The following ZFX variants were observed in gnomAD, a reference collection of about 807,000 sequenced individuals.
ZFX encodes the protein zinc finger protein X-linked, also known as zinc finger X-chromosomal protein.
For missense variants in ZFX, 362 were observed against 628.3 expected (o/e 0.58, Z 4.53); for synonymous variants, 196 against 226.8 (o/e 0.86, Z 1.22).
At position 24,207,197 on chromosome X, in the gene ZFX, A is replaced by G. The variant is rs761405569; in HGVS notation, c.647-129A>G. The G allele has an allele frequency of 1.0e-4, 67 of 651,986 alleles. No homozygotes were observed. The South Asian group carries it at 1.7e-3, about 16-fold the overall frequency. The allele number at this position is 651,986 out of a possible 1,213,427, so 53.7% of individuals were successfully genotyped here. ...GCAGTCAGTGAGCTGAGATCGCGCCACTGCACTCCAGCCTGGGTGACAGTG... is the reference window on the plus strand; with the variant it reads ...GCAGTCAGTGAGCTGAGATCGCGCCGCTGCACTCCAGCCTGGGTGACAGTG... On this transcript the variant is annotated intron_variant, in intron 5 of 9. Transcript: ENST00000304543.
At chrX:24,169,633 A>G (rs1319818045) in intron 3 of ZFX, among the ~76,000 whole-genome samples, 1 of 108,450 alleles carries the variant, frequency 9.2e-6, no homozygotes, top group Non-Finnish European at 1.9e-5. Flanking sequence ...TTGAGAATTG[A>G]CAAGATCTGG....
chrX:24,207,298 A>G, intron 5 of ZFX, 28 bp from the exon 6 acceptor site: 2 of 1,109,294 alleles, frequency 1.8e-6, no homozygotes, highest in Non-Finnish European at 2.4e-6. Flanking sequence ...ATCTGTTACT[A>G]TTTGTGATTT....
chrX:24,192,997 CTTG>C (rs1416786819), intron 5 of ZFX, among the ~76,000 whole-genome samples: 2 of 109,697 alleles, frequency 1.8e-5, no homozygotes, highest in African/African-American at 6.6e-5. Context: ...TCTTTCAGGT[CTTG>C]TTGTTTCTTT....
chrX:24,160,650 T>C (rs767484018), intron 3 of ZFX, among the ~76,000 whole-genome samples: 5 of 111,759 alleles, frequency 4.5e-5, no homozygotes, highest in Non-Finnish European at 9.4e-5. Context: ...ATACAATGTG[T>C]AATGGTCAAA....
chrX:24,162,089 G>A (rs1277061848), intron 3 of ZFX, among the ~76,000 whole-genome samples: 3 of 110,383 alleles, frequency 2.7e-5, no homozygotes, highest in Non-Finnish European at 3.8e-5. Flanking sequence ...CTAGCTGGGC[G>A]TGGTGGCACA....
intron 3 of ZFX, among the ~76,000 whole-genome samples, chrX:24,161,302 T>C (rs1569125631): frequency 8.9e-6 from 1 of 112,195 alleles, no homozygotes; most frequent in African/African-American, 3.2e-5. Context: ...TCTCTCTAAA[T>C]TGATACATAC....
At chrX:24,151,514 T>C (rs1932128766) in intron 1 of ZFX, 177 bp from the exon 2 acceptor site, 1 of 111,065 alleles carries the variant, frequency 9.0e-6, no homozygotes, top group South Asian at 3.8e-4. Context: ...AAGTGGATGG[T>C]ATAGGTAGGG....
upstream of ZFX, chrX:24,149,311 G>A (rs1417547703): frequency 1.8e-5 from 2 of 109,911 alleles, no homozygotes; most frequent in Non-Finnish European, 3.8e-5. Flanking sequence ...ATGGTGGGGG[G>A]CGGCCGGGCC....
At chrX:24,207,077 C>CA (rs1937626250) in intron 5 of ZFX, 1 of 270,743 alleles carries the variant, frequency 3.7e-6, no homozygotes, top group African/African-American at 2.8e-5. Flanking sequence ...ACTAAAAATA[C>CA]AAAAAATTAG....
intron 5 of ZFX, among the ~76,000 whole-genome samples, chrX:24,194,497 T>A (rs558252419): frequency 2.2e-4 from 24 of 111,438 alleles, no homozygotes; most frequent in African/African-American, 7.5e-4. Context: ...TGCCCTGTGA[T>A]GGTTCCTGCC....
intron 5 of ZFX, among the ~76,000 whole-genome samples, chrX:24,185,334 T>C (rs899709141): frequency 8.9e-6 from 1 of 112,450 alleles, no homozygotes; most frequent in Non-Finnish European, 1.9e-5. Flanking sequence ...GTAATGATCA[T>C]ATTTTAAAAT....
intron 5 of ZFX, among the ~76,000 whole-genome samples, chrX:24,183,813 A>C (rs190482374): frequency 0.019 from 784 of 41,466 alleles, 12 homozygotes; most frequent in African/African-American, 0.065. Context: ...GCTCACTGCA[A>C]CCTCCACCCC....
At chrX:24,163,258 CTTTT>C (rs57785204) in intron 3 of ZFX, among the ~76,000 whole-genome samples, 773 of 48,154 alleles carry the variant, frequency 0.016, 7 homozygotes, top group African/African-American at 0.049. Flanking sequence ...CATGGATGTG[CTTTT>C]TTTTTTTTTT....
chrX:24,191,793 G>A (rs1170177195), intron 5 of ZFX, among the ~76,000 whole-genome samples: 1 of 109,720 alleles, frequency 9.1e-6, no homozygotes, highest in Non-Finnish European at 1.9e-5. Flanking sequence ...TCCATCTCCT[G>A]GGTACAAGCG....
chrX:24,151,909 A>G (rs1932200051), intron 2 of ZFX, 109 bp downstream of exon 2: 1 of 111,991 alleles, frequency 8.9e-6, no homozygotes, highest in Admixed American at 9.5e-5. Context: ...AATGTTCAGA[A>G]GTTAAGCAAA....
intron 5 of ZFX, among the ~76,000 whole-genome samples, chrX:24,195,134 C>G (rs187741072): frequency 1.3e-3 from 142 of 112,001 alleles, no homozygotes; most frequent in African/African-American, 4.2e-3. Context: ...TGAGGACTTA[C>G]ACTGTACTTC....
At position 24,193,083 on chromosome X, in the gene ZFX, T is replaced by A. The variant is rs764386030; in HGVS notation, c.646+13313T>A. Among the ~76,000 whole-genome samples, 72 of 111,079 alleles carry A rather than the reference T, an allele frequency of 6.5e-4. 1 individual carries two copies. Among genetic ancestry groups the A allele is most frequent in the African/African-American group, 2.2e-3 (68 of 30,499 alleles). On this transcript the variant is annotated intron_variant, in intron 5 of 9. Transcript: ENST00000304543. ...ATTAGCAGACACTAGTATATTGGTT[T>A]AAAGATGTAAAACCAGATGGGCCAT...
chrX:24,151,440 T>C (rs1386168633), intron 1 of ZFX: 1 of 111,113 alleles, frequency 9.0e-6, no homozygotes, highest in African/African-American at 3.3e-5. Context: ...GAGGTGGAGG[T>C]GGAGAAAGGA....
At chrX:24,200,412 TAA>T (rs908594842) in intron 5 of ZFX, among the ~76,000 whole-genome samples, 3 of 111,695 alleles carry the variant, frequency 2.7e-5, no homozygotes, top group African/African-American at 9.8e-5. Context: ...AGGCAAATTG[TAA>T]AGTGTCTGAT....
Sources: gnomAD v4.1 joint callset for allele counts (sites outside exome capture counted in the v4.1 genomes callset) on GRCh38, gnomAD v4.1.1 for gene constraint, MANE v1.5 for transcripts, NCBI Gene and HGNC (gene_info 2026-07-23, HGNC 2026-07-21) for gene names.